The following NAA15 variants were observed in gnomAD, a reference collection of about 807,000 sequenced individuals.
The protein encoded by NAA15 is N-terminal acetyltransferase.
A neutral mutation model predicts 114.0 loss-of-function variants in NAA15; 34 were observed. The observed-to-expected ratio is 0.30, with a 90% CI of 0.23 to 0.40. The LOEUF is 0.40. Among genes scored for constraint, NAA15 ranks in the 10% least tolerant of loss-of-function variants. The pLI, the probability that NAA15 is intolerant of heterozygous loss-of-function variation, is 1.00. For synonymous variants in NAA15, 340 were observed against 338.0 expected (o/e 1.01, Z -0.06); for missense variants, 658 against 1,004.5 (o/e 0.66, Z 4.66).
At chr4:139,332,824 C>T (rs1747067301) in intron 1 of NAA15, among the ~76,000 whole-genome samples, 1 of 151,882 alleles carries the variant, frequency 6.6e-6, no homozygotes, top group South Asian at 2.1e-4. Flanking sequence ...TCAGATGATC[C>T]ACCCACCTTG....
At chr4:139,365,856 AAAAG>A (rs1339448495) in intron 14 of NAA15, among the ~76,000 whole-genome samples, 1 of 152,148 alleles carries the variant, frequency 6.6e-6, no homozygotes, top group Admixed American at 6.5e-5. Flanking sequence ...TTCAAAGAAA[AAAAG>A]AAAGAGAGAA....
intron 1 of NAA15, among the ~76,000 whole-genome samples, chr4:139,323,823 T>C (rs1013969413): frequency 3.9e-5 from 6 of 152,212 alleles, no homozygotes; most frequent in Admixed American, 3.3e-4. Flanking sequence ...CTAGTGTCAG[T>C]TATTCTTATA....
In NAA15 at chr4:139,386,193, C is replaced by T. The variant is rs891672525; in HGVS notation, c.2363C>T (p.Thr788Ile). The T allele has an allele frequency of 1.9e-6, 3 of 1,610,300 alleles. No homozygotes were observed. The highest frequency in any genetic ancestry group is 8.5e-7 in the Non-Finnish European group (1 of 1,177,764). The change falls in exon 19 of 20, where the codon ACA becomes ATA. Residue 788 changes from threonine (T) to isoleucine (I), a missense_variant. Around this residue, in one of 6 missense-constraint regions of NAA15, gnomAD observed 275 missense variants for 371.1 expected, o/e 0.74. Transcript: ENST00000296543. ...SSQKRAIELA[T>I]TLDESLTNRN... is the part of the protein sequence containing the mutation. Reference sequence around the variant, plus strand: ...CAGAAGCGAGCTATAGAGTTGGCAACAACACTTGATGAATCTCTCACTAAC... The same window carrying T: ...CAGAAGCGAGCTATAGAGTTGGCAATAACACTTGATGAATCTCTCACTAAC...
At chr4:139,349,643 C>A in intron 7 of NAA15, 62 bp downstream of exon 7, 1 of 1,461,830 alleles carries the variant, frequency 6.8e-7, no homozygotes, top group Non-Finnish European at 9.2e-7. Context: ...ATTTTATTTA[C>A]TCATTGAAAA....
In NAA15 at chr4:139,386,245, A is replaced by T; in HGVS notation, c.2400+15A>T. 1 of 1,445,094 alleles carries T rather than the reference A, an allele frequency of 6.9e-7. No homozygotes were observed. Among genetic ancestry groups the T allele is most frequent in the South Asian group, 1.2e-5 (1 of 85,254 alleles). The allele number at this position is 1,445,094 out of a possible 1,614,324, so 89.5% of individuals were successfully genotyped here. The stretch of plus-strand genomic sequence containing the variant: ...GAAACCTCCAGGTAAAGAGTTTTTC[A>T]TAATCTCTCTGTAAGAATACTTAAC... On this transcript the variant is annotated intron_variant, in intron 19 of 19. Coordinates refer to ENST00000296543, the MANE Select transcript of NAA15 (RefSeq NM_057175.5).
intron 7 of NAA15, 39 bp downstream of exon 7, chr4:139,349,620 T>C: frequency 6.5e-7 from 1 of 1,534,176 alleles, no homozygotes; most frequent in East Asian, 2.3e-5. Context: ...TATTGTTTCT[T>C]TTGTTAATAT....
intron 1 of NAA15, among the ~76,000 whole-genome samples, chr4:139,323,385 G>A (rs1396654722): frequency 6.6e-6 from 1 of 152,064 alleles, no homozygotes; most frequent in African/African-American, 2.4e-5. Context: ...GTAGAGACGG[G>A]GTTTTGCCAT....
At position 139,360,781 on chromosome 4, in the gene NAA15, T is replaced by A. The variant is rs76831456; in HGVS notation, c.1539+153T>A. On this transcript the variant is annotated intron_variant, in intron 13 of 19. Coordinates refer to ENST00000296543, the MANE Select transcript of NAA15 (RefSeq NM_057175.5). The stretch of plus-strand genomic sequence containing the variant: ...TTTTTCAGTTTTCATACTGGAAATA[T>A]AGACTGCATTTTCAGCCAGGGTCTC... Among the ~76,000 whole-genome samples, 9,439 of 152,228 alleles carry A rather than the reference T, an allele frequency of 0.062. 961 individuals carry two copies. The highest frequency in any genetic ancestry group is 0.21 in the African/African-American group (8,909 of 41,508).
intron 17 of NAA15, among the ~76,000 whole-genome samples, chr4:139,380,065 GT>G (rs1748701349): frequency 6.6e-6 from 1 of 152,090 alleles, no homozygotes; most frequent in Admixed American, 6.6e-5. Flanking sequence ...CAACAACATC[GT>G]TTTGACTTTC....
At chr4:139,358,864 C>T (rs1207529228) in intron 11 of NAA15, among the ~76,000 whole-genome samples, 1 of 152,074 alleles carries the variant, frequency 6.6e-6, no homozygotes, top group Non-Finnish European at 1.5e-5. Context: ...TGCCTGTAAT[C>T]CCAGCACTTT....
Position 139,341,089 on chromosome 4 carries a change from T to C in NAA15, c.402+20T>C. Reference sequence around the variant, plus strand: ...TACAGGGTAAGTAAAATAGAGACTTTTTTTTTTAATTCTAAGGGGAAAATA... The same window carrying C: ...TACAGGGTAAGTAAAATAGAGACTTCTTTTTTTAATTCTAAGGGGAAAATA... On this transcript the variant is annotated intron_variant, in intron 4 of 19. Coordinates refer to ENST00000296543, the MANE Select transcript of NAA15 (RefSeq NM_057175.5). 6.9e-7 allele frequency: 1 copy of C among 1,448,482 alleles called. No homozygotes were observed. The highest frequency in any genetic ancestry group is 2.5e-5 in the East Asian group (1 of 39,562). 89.7% of individuals were successfully genotyped at this position (1,448,482 alleles called of 1,614,324 possible). A position where few individuals can be genotyped will look rare whatever the true frequency, so the allele number is the denominator to read the frequency against.
rs1746884514 is a variant in NAA15 at position 139,328,572 on chromosome 4, T to TC, written c.55-5601dup. The stretch of plus-strand genomic sequence containing the variant: ...CTTTTCTTTTTCTTTTTCTTTCTTT[T>TC]CTTTTTTTTTTTTTGAGATGGAGTC... On this transcript the variant is annotated intron_variant, in intron 1 of 19. Coordinates refer to ENST00000296543, the MANE Select transcript of NAA15 (RefSeq NM_057175.5). Among the ~76,000 whole-genome samples, 3 of 128,352 alleles carry TC rather than the reference T, an allele frequency of 2.3e-5. No individual in the cohort carries two copies. The South Asian group carries it at 7.5e-4, about 32-fold the overall frequency. The allele number at this position is 128,352 out of a possible 152,430, so 84.2% of individuals were successfully genotyped here.
At chr4:139,332,277 C>T (rs1181244839) in intron 1 of NAA15, among the ~76,000 whole-genome samples, 2 of 151,748 alleles carry the variant, frequency 1.3e-5, no homozygotes, top group East Asian at 3.9e-4. Flanking sequence ...ATTACAGGCG[C>T]CCGCCACCAT....
At chr4:139,320,349 C>T (rs893934208) in intron 1 of NAA15, among the ~76,000 whole-genome samples, 4 of 152,132 alleles carry the variant, frequency 2.6e-5, no homozygotes, top group South Asian at 4.1e-4. Flanking sequence ...GGTGCCTGAA[C>T]GGAGTATCTG....
In NAA15 at chr4:139,329,950, G is replaced by A. The variant is rs149794873; in HGVS notation, c.55-4224G>A. On this transcript the variant is annotated intron_variant, in intron 1 of 19. Coordinates refer to ENST00000296543, the MANE Select transcript of NAA15 (RefSeq NM_057175.5). ...CAGGAGTAAAGTGGTGGCATTACTA[G>A]AGCTCATCATGTTTGTTTCCCGTTC... is the stretch of plus-strand genomic sequence containing the variant. Among the ~76,000 whole-genome samples the A allele has an allele frequency of 2.3e-4, 35 of 152,288 alleles. No homozygotes were observed. In the East Asian group the frequency reaches 6.4e-3, roughly 28 times the overall value.
chr4:139,323,885 G>A (rs988846756), intron 1 of NAA15, among the ~76,000 whole-genome samples: 14 of 152,200 alleles, frequency 9.2e-5, no homozygotes, highest in East Asian at 3.9e-4. Flanking sequence ...TAGCACATGC[G>A]ACTTTATTAT....
chr4:139,358,522 A>AT (rs35993104), intron 11 of NAA15, among the ~76,000 whole-genome samples: 1 of 151,272 alleles, frequency 6.6e-6, no homozygotes, highest in Non-Finnish European at 1.5e-5. Flanking sequence ...TTTTTTATTT[A>AT]TTTTTTTTAT....
At position 139,389,911 on chromosome 4, in the gene NAA15, T is replaced by A. The variant is rs1020165540; in HGVS notation, c.*1827T>A. The A allele has an allele frequency of 1.3e-5, 2 of 152,710 alleles. No individual in the cohort carries two copies. Among genetic ancestry groups the A allele is most frequent in the African/African-American group, 4.8e-5 (2 of 41,550 alleles). 9.5% of individuals were successfully genotyped at this position (152,710 alleles called of 1,614,324 possible). ...ACTCCAGTGCTTTGTTATGTTTTAT[T>A]AACTGGCCCTGTCTCAGGAACATCT... On this transcript the variant is annotated 3_prime_UTR_variant, in exon 20 of 20. Coordinates refer to ENST00000296543, the MANE Select transcript of NAA15 (RefSeq NM_057175.5).
In NAA15 at chr4:139,389,596, T is replaced by G. The variant is rs2111016920; in HGVS notation, c.*1512T>G. 6.5e-6 allele frequency: 1 copy of G among 152,756 alleles called. No homozygotes were observed. The highest frequency in any genetic ancestry group is 2.1e-4 in the South Asian group (1 of 4,822). The allele number at this position is 152,756 out of a possible 1,614,324, so 9.5% of individuals were successfully genotyped here. ...TAAAAACTATTTTGATTTGGGAAAA[T>G]GAGCCTTAATTTGTTAAACCTATAC... is the stretch of plus-strand genomic sequence containing the variant. On this transcript the variant is annotated 3_prime_UTR_variant, in exon 20 of 20. Coordinates refer to ENST00000296543, the MANE Select transcript of NAA15 (RefSeq NM_057175.5).
Sources: allele counts gnomAD v4.1 joint callset (sites outside exome capture counted in the v4.1 genomes callset), GRCh38; gene constraint gnomAD v4.1.1; regional missense constraint gnomAD v4.1.1; transcripts MANE v1.5; gene names NCBI Gene and HGNC (gene_info 2026-07-23, HGNC 2026-07-21).